The following RSPO1 variants were observed in gnomAD, a reference collection of about 807,000 sequenced individuals.
RSPO1 encodes R-spondin-1.
Under a neutral mutation model 26.0 loss-of-function variants are expected in RSPO1, and 18 were observed. That is an observed-to-expected ratio of 0.69 (90% confidence interval 0.48 to 1.03). The LOEUF (loss-of-function observed/expected upper bound fraction) is 1.03. Among genes scored for constraint, RSPO1 ranks in the 50% least tolerant of loss-of-function variants. RSPO1 has a pLI of 0.00. For synonymous variants in RSPO1, 133 were observed against 137.4 expected, an observed-to-expected ratio of 0.97 and a Z score of 0.22; for missense variants, 309 against 352.3, an observed-to-expected ratio of 0.88 and a Z score of 0.98.
chr1:37,631,115 T>C (rs1192713116), intron 2 of RSPO1, among the ~76,000 whole-genome samples: 2 of 152,072 alleles, frequency 1.3e-5, no homozygotes, highest in Non-Finnish European at 2.9e-5. Context: ...CTCTAGGCTC[T>C]TCAGTGCCAG....
chr1:37,621,199 G>T (rs1644196850), intron 3 of RSPO1, among the ~76,000 whole-genome samples: 1 of 152,210 alleles, frequency 6.6e-6, no homozygotes, highest in African/African-American at 2.4e-5. Flanking sequence ...GAGTGATGAG[G>T]CGGGAAGTTG....
intron 3 of RSPO1, among the ~76,000 whole-genome samples, chr1:37,620,343 T>G (rs1644181458): frequency 6.6e-6 from 1 of 152,092 alleles, no homozygotes. Context: ...GGAGACCCTG[T>G]CTCTATTACA....
rs897703822 is a variant in RSPO1 at position 37,634,057 on chromosome 1, T to C, written c.-356+509A>G. Among the ~76,000 whole-genome samples, 1 of 152,178 alleles carries C rather than the reference T, an allele frequency of 6.6e-6. No individual in the cohort carries two copies. Among genetic ancestry groups the C allele is most frequent in the Non-Finnish European group, 1.5e-5 (1 of 68,028 alleles). On this transcript the variant is annotated intron_variant, in intron 1 of 6. Coordinates refer to ENST00000356545, the MANE Select transcript of RSPO1 (RefSeq NM_001242908.2). The surrounding 1 kb of genome is among the most constrained non-coding windows in gnomAD (Gnocchi z 4.7). ...CCAACTAAGCGATACCATCGGTTCCTGAGCGCCAGACCCCGAGGGCCAGGG... is the reference window on the plus strand; with the variant it reads ...CCAACTAAGCGATACCATCGGTTCCCGAGCGCCAGACCCCGAGGGCCAGGG...
chr1:37,632,944 G>A (rs780387310), intron 1 of RSPO1, among the ~76,000 whole-genome samples: 1 of 152,074 alleles, frequency 6.6e-6, no homozygotes, highest in African/African-American at 2.4e-5. Context: ...ATATGGCACT[G>A]GCAGTTTATG....
At chr1:37,631,831 T>C (rs1221918453) in intron 2 of RSPO1, 1 of 152,246 alleles carries the variant, frequency 6.6e-6, no homozygotes, top group Non-Finnish European at 1.5e-5. Context: ...TTCTGTATCA[T>C]CTGGATACTA....
chr1:37,633,545 C>A (rs892593159), intron 1 of RSPO1, among the ~76,000 whole-genome samples: 1 of 152,194 alleles, frequency 6.6e-6, no homozygotes, highest in Admixed American at 6.5e-5. Context: ...GGGCCCGATA[C>A]AGACCCAAAA....
intron 3 of RSPO1, 88 bp downstream of exon 3, chr1:37,629,480 G>T: frequency 2.0e-6 from 2 of 1,019,826 alleles, no homozygotes; most frequent in Non-Finnish European, 3.1e-6. Flanking sequence ...GGGTCATCAT[G>T]GAATAAAACT....
intron 1 of RSPO1, among the ~76,000 whole-genome samples, chr1:37,632,728 G>A (rs1275517943): frequency 6.6e-6 from 1 of 152,226 alleles, no homozygotes; most frequent in East Asian, 1.9e-4. Flanking sequence ...CCAAGCCTCA[G>A]AGGGCCACAG....
At chr1:37,614,934 A>G (rs538406506) in intron 4 of RSPO1, among the ~76,000 whole-genome samples, 2 of 152,054 alleles carry the variant, frequency 1.3e-5, no homozygotes, top group South Asian at 4.2e-4. Flanking sequence ...CCTTGGTAGG[A>G]CTCCTGGGTC....
chr1:37,616,598 G>T lies in RSPO1; in HGVS notation c.172C>A (p.Pro58Thr), dbSNP rs1644117017. 1 of 1,614,164 alleles carries T rather than the reference G, an allele frequency of 6.2e-7. No individual in the cohort carries two copies. The highest frequency in any genetic ancestry group is 8.5e-7 in the Non-Finnish European group (1 of 1,180,024). The change falls in exon 4 of 7, where the codon CCC becomes ACC. Residue 58 changes from proline (P) to threonine (T), a missense_variant. Pro to Thr is a conservative substitution (Grantham distance 38, BLOSUM62 -1). Transcript: ENST00000356545. ...CTCTCCAGCAGGATGAACAGCTTGG[G>T]TGAGCACTTGAGGCAGCCGTTGACT... ...SEVNGCLKCS[P>T]KLFILLERND...
intron 3 of RSPO1, 28 bp from the exon 4 acceptor site, chr1:37,616,703 G>A: frequency 6.2e-7 from 1 of 1,608,858 alleles, no homozygotes; most frequent in Non-Finnish European, 8.5e-7. Flanking sequence ...GCATGAGAAG[G>A]CGGCTGTGGA....
chr1:37,615,929 AATGTG>A (rs1207946722), intron 4 of RSPO1, among the ~76,000 whole-genome samples: 1 of 152,276 alleles, frequency 6.6e-6, no homozygotes, highest in East Asian at 1.9e-4. Context: ...ATGTCTCAGA[AATGTG>A]ATGGGATAGG....
At position 37,612,534 on chromosome 1, in the gene RSPO1, G is replaced by A; in HGVS notation, c.*221C>T. On this transcript the variant is annotated 3_prime_UTR_variant, in exon 7 of 7. Transcript: ENST00000356545. ...TGTGTGTGTGTGTATGTGTGTGTGT[G>A]GTGTCTGTGTCTGCGTGTGTACATG... 1 of 610,066 alleles carries A rather than the reference G, an allele frequency of 1.6e-6. No homozygotes were observed. The highest frequency in any genetic ancestry group is 4.4e-4 in the Middle Eastern group (1 of 2,270). 37.8% of individuals were successfully genotyped at this position (610,066 alleles called of 1,614,324 possible).
At chr1:37,618,023 C>G (rs886431999) in intron 3 of RSPO1, among the ~76,000 whole-genome samples, 2 of 152,190 alleles carry the variant, frequency 1.3e-5, no homozygotes, top group African/African-American at 4.8e-5. Flanking sequence ...ATTAAGGGCA[C>G]TCAGGGAGCA....
chr1:37,612,504 GTGTGTGTGTGTGTGTGTA>G lies in RSPO1; in HGVS notation c.*233_*250del. ...AGTGTCTTCTGGTGGCCTCAGGTGT[GTGTGTGTGTGTGTGTGTA>G]TGTGTGTGTGTGGTGTCTGTGTCTG... On this transcript the variant is annotated 3_prime_UTR_variant, in exon 7 of 7. Transcript: ENST00000356545. 1.6e-5 allele frequency: 9 copies of G among 577,526 alleles called. No homozygotes were observed. The highest frequency in any genetic ancestry group is 2.8e-5 in the Non-Finnish European group (9 of 320,362). 35.8% of individuals were successfully genotyped at this position (577,526 alleles called of 1,614,324 possible). A position where few individuals can be genotyped will look rare whatever the true frequency, so the allele number is the denominator to read the frequency against.
chr1:37,625,232 A>G (rs1644258708), intron 3 of RSPO1, among the ~76,000 whole-genome samples: 1 of 152,254 alleles, frequency 6.6e-6, no homozygotes, highest in Non-Finnish European at 1.5e-5. Context: ...ATGGGAGCTC[A>G]GTAAAGGATA....
chr1:37,631,443 C>T (rs1391084670), intron 2 of RSPO1, among the ~76,000 whole-genome samples: 3 of 152,224 alleles, frequency 2.0e-5, no homozygotes, highest in Non-Finnish European at 4.4e-5. Flanking sequence ...GCCCCCACTA[C>T]ACAATTCTCT....
intron 3 of RSPO1, among the ~76,000 whole-genome samples, chr1:37,619,636 G>A (rs1644169560): frequency 6.6e-6 from 1 of 152,150 alleles, no homozygotes; most frequent in African/African-American, 2.4e-5. Context: ...TAAATGTTGA[G>A]CACTTACTCT....
At chr1:37,626,111 G>A (rs1333361757) in intron 3 of RSPO1, among the ~76,000 whole-genome samples, 2 of 152,090 alleles carry the variant, frequency 1.3e-5, no homozygotes, top group African/African-American at 4.8e-5. Flanking sequence ...CTTGATGAAA[G>A]CCTCAGTAGC....
Sources: gnomAD v4.1 joint callset for allele counts (sites outside exome capture counted in the v4.1 genomes callset) on GRCh38, gnomAD v4.1.1 for gene constraint, Gnocchi (gnomAD v3.1) non-coding constraint, MANE v1.5 for transcripts, NCBI Gene and HGNC (gene_info 2026-07-23, HGNC 2026-07-21) for gene names.